The following EML6 variants were observed in gnomAD, a reference collection of about 807,000 sequenced individuals.
EML6 encodes the protein echinoderm microtubule-associated protein-like 6.
Under a neutral mutation model 240.1 loss-of-function variants are expected in EML6, and 154 were observed. The ratio of observed to expected loss-of-function variants is 0.64; its 90% CI spans 0.56 to 0.73. The LOEUF (loss-of-function observed/expected upper bound fraction) is 0.73. Among genes scored for constraint, EML6 ranks in the 30% least tolerant of loss-of-function variants. EML6 has a pLI of 0.00. For synonymous variants in EML6, 1,148 were observed against 899.0 expected (o/e 1.28, Z -4.95); for missense variants, 2,964 against 2,474.6 (o/e 1.20, Z -4.20).
intron 2 of EML6, among the ~76,000 whole-genome samples, chr2:54,802,794 AC>A (rs1374677755): frequency 2.0e-5 from 3 of 151,982 alleles, no homozygotes; most frequent in Admixed American, 6.6e-5. Context: ...GTTCCCATTT[AC>A]CCCATTTGGC....
chr2:54,832,311 G>T (rs1668912673), intron 7 of EML6, among the ~76,000 whole-genome samples: 1 of 152,212 alleles, frequency 6.6e-6, no homozygotes, highest in Admixed American at 6.5e-5. Flanking sequence ...GTTGCGCTCA[G>T]CCAGGCCTTG....
intron 32 of EML6, among the ~76,000 whole-genome samples, chr2:54,956,105 A>G (rs1304391045): frequency 6.6e-6 from 1 of 152,176 alleles, no homozygotes; most frequent in African/African-American, 2.4e-5. Context: ...TCCTAGGTAT[A>G]TGTGTAATTT....
chr2:54,781,698 C>G (rs1668864933), intron 2 of EML6, among the ~76,000 whole-genome samples: 2 of 152,128 alleles, frequency 1.3e-5, no homozygotes, highest in African/African-American at 2.4e-5. Context: ...GAGACAGGGT[C>G]TCATTCTGTC....
chr2:54,744,397 C>T (rs1286318570), intron 2 of EML6, among the ~76,000 whole-genome samples: 1 of 152,094 alleles, frequency 6.6e-6, no homozygotes, highest in Non-Finnish European at 1.5e-5. Flanking sequence ...TAGGTGATTT[C>T]ACATTTGGAC....
chr2:54,857,608 G>C (rs756147730), intron 11 of EML6, among the ~76,000 whole-genome samples: 24 of 152,216 alleles, frequency 1.6e-4, no homozygotes, highest in Non-Finnish European at 2.6e-4. Flanking sequence ...AAAGCAAACA[G>C]TGGGAGCAGA....
At chr2:54,824,621 A>T (rs901553259) in intron 5 of EML6, among the ~76,000 whole-genome samples, 1 of 152,292 alleles carries the variant, frequency 6.6e-6, no homozygotes, top group Admixed American at 6.5e-5. Flanking sequence ...TGTTTTGGCA[A>T]ATAGGAAAAT....
At chr2:54,803,881 C>T (rs1308485719) in intron 2 of EML6, among the ~76,000 whole-genome samples, 1 of 152,180 alleles carries the variant, frequency 6.6e-6, no homozygotes, top group Non-Finnish European at 1.5e-5. Context: ...TCTCCACTCA[C>T]GGACCGGGCA....
intron 6 of EML6, among the ~76,000 whole-genome samples, chr2:54,828,240 C>T (rs1200128417): frequency 6.6e-6 from 1 of 152,178 alleles, no homozygotes; most frequent in African/African-American, 2.4e-5. Flanking sequence ...GGTGTCACCT[C>T]CACACCAGTG....
At chr2:54,729,392 G>A (rs371256458) in intron 2 of EML6, among the ~76,000 whole-genome samples, 4 of 152,200 alleles carry the variant, frequency 2.6e-5, no homozygotes, top group African/African-American at 7.2e-5. Flanking sequence ...ATTTGTAAGC[G>A]TATATAAGAC....
At chr2:54,797,179 A>AAAAAAAAAAACAAAAAAAAAAC (rs1558557002) in intron 2 of EML6, among the ~76,000 whole-genome samples, 20 of 146,886 alleles carry the variant, frequency 1.4e-4, no homozygotes, top group Non-Finnish European at 2.1e-4. Flanking sequence ...AAAAAAAAAA[A>AAAAAAAAAAACAAAAAAAAAAC]AAAAAAAAAA....
intron 2 of EML6, among the ~76,000 whole-genome samples, chr2:54,765,696 G>A (rs913194758): frequency 1.3e-5 from 2 of 152,094 alleles, no homozygotes; most frequent in Middle Eastern, 3.2e-3. Context: ...TCCTGACCTC[G>A]TGATCCACCA....
At position 54,827,759 on chromosome 2, in the gene EML6, T is replaced by C; in HGVS notation, c.711+8T>C. On this transcript the variant is annotated splice_region_variant and intron_variant, in intron 6 of 41. Transcript: ENST00000356458. ...ATTCAAGGAGCACATAGTGTAAGTA[T>C]TACCTTGTGGAAATCTGTGGGTGAC... The C allele has an allele frequency of 1.3e-6, 2 of 1,544,944 alleles. No individual in the cohort carries two copies. The highest frequency in any genetic ancestry group is 8.8e-7 in the Non-Finnish European group (1 of 1,141,184).
chr2:54,924,489 A>G (rs1333828089), intron 26 of EML6, among the ~76,000 whole-genome samples: 1 of 152,228 alleles, frequency 6.6e-6, no homozygotes, highest in African/African-American at 2.4e-5. Flanking sequence ...GATTGAAGAA[A>G]TAGGTTCATG....
Position 54,891,045 on chromosome 2 carries a change from C to G in EML6, c.2439-9C>G, listed in dbSNP as rs908005333. On this transcript the variant is annotated splice_polypyrimidine_tract_variant and intron_variant, in intron 17 of 41. Coordinates refer to ENST00000356458, the MANE Select transcript of EML6 (RefSeq NM_001039753.4). ...AACTAGAATCTTATTTCCTATTTGTCTCTTACAGAGGACATAAAGATAAGA... is the reference window on the plus strand; with the variant it reads ...AACTAGAATCTTATTTCCTATTTGTGTCTTACAGAGGACATAAAGATAAGA... 2 of 1,330,636 alleles carry G rather than the reference C, an allele frequency of 1.5e-6. No individual in the cohort carries two copies. Among genetic ancestry groups the G allele is most frequent in the Non-Finnish European group, 1.0e-6 (1 of 969,116 alleles). The allele number at this position is 1,330,636 out of a possible 1,614,324, so 82.4% of individuals were successfully genotyped here.
intron 2 of EML6, among the ~76,000 whole-genome samples, chr2:54,794,605 C>G (rs542807886): frequency 6.6e-5 from 10 of 152,072 alleles, no homozygotes; most frequent in Non-Finnish European, 1.3e-4. Flanking sequence ...AATGTTTTTT[C>G]TAGGAAAACT....
At chr2:54,772,606 G>C (rs1242384792) in intron 2 of EML6, among the ~76,000 whole-genome samples, 2 of 152,166 alleles carry the variant, frequency 1.3e-5, no homozygotes, top group African/African-American at 4.8e-5. Flanking sequence ...CCTACCATGT[G>C]CTGTGTGTGT....
At chr2:54,802,603 G>A (rs1269779819) in intron 2 of EML6, among the ~76,000 whole-genome samples, 1 of 146,516 alleles carries the variant, frequency 6.8e-6, no homozygotes, top group African/African-American at 2.5e-5. Context: ...GGGCAACAGA[G>A]TGAGACCCTG....
chr2:54,934,920 A>T (rs1174510381), intron 28 of EML6, among the ~76,000 whole-genome samples: 1 of 152,210 alleles, frequency 6.6e-6, no homozygotes, highest in Non-Finnish European at 1.5e-5. Flanking sequence ...TCAATTAAAC[A>T]AATTACTATT....
chr2:54,919,776 G>C (rs1465358728), intron 26 of EML6, among the ~76,000 whole-genome samples: 2 of 152,184 alleles, frequency 1.3e-5, no homozygotes, highest in African/African-American at 4.8e-5. Context: ...ACCTGACAAG[G>C]TGGCTTATCT....
Sources: allele counts gnomAD v4.1 joint callset (sites outside exome capture counted in the v4.1 genomes callset), GRCh38; gene constraint gnomAD v4.1.1; transcripts MANE v1.5; gene names NCBI Gene and HGNC (gene_info 2026-07-23, HGNC 2026-07-21).